ZNF503: variants seen among roughly 807,000 people sequenced by gnomAD.
ZNF503 encodes NocA-like zinc finger 2.
Under a neutral mutation model 34.4 loss-of-function variants are expected in ZNF503, and 15 were observed. The ratio of observed to expected loss-of-function variants is 0.44; its 90% confidence interval spans 0.29 to 0.67. The LOEUF is 0.67. Ranked by LOEUF, ZNF503 falls within the 30% of genes least tolerant of loss-of-function variation. The probability of loss-of-function intolerance (pLI) is 0.13; values close to 1 mark genes in which losing one functional copy is unlikely to be tolerated. For synonymous variants in ZNF503, 580 were observed against 456.8 expected, an observed-to-expected ratio of 1.27 and a Z score of -3.44; for missense variants, 1,007 against 926.8, an observed-to-expected ratio of 1.09 and a Z score of -1.12.
At chr10:75,309,302 C>G in the ZNF503 span, among the ~76,000 whole-genome samples, 1 of 152,238 alleles carries the variant, frequency 6.6e-6, no homozygotes, top group South Asian at 2.1e-4. Context: ...AGAATTGACT[C>G]TAACTCTGTA....
chr10:75,293,669 ATGTGTGTG>A, the ZNF503 span, among the ~76,000 whole-genome samples: 7 of 150,756 alleles, frequency 4.6e-5, no homozygotes, highest in African/African-American at 1.7e-4. Context: ...GTGTGTGCGC[ATGTGTGTG>A]TGTGTAGGTT....
At chr10:75,327,128 ATTG>A in the ZNF503 span, among the ~76,000 whole-genome samples, 1 of 152,200 alleles carries the variant, frequency 6.6e-6, no homozygotes, top group Admixed American at 6.5e-5. Context: ...TAGACAACAA[ATTG>A]TTGTTAATTA....
the ZNF503 span, among the ~76,000 whole-genome samples, chr10:75,339,428 T>C: frequency 1.1e-4 from 16 of 152,236 alleles, no homozygotes; most frequent in South Asian, 3.1e-3. Flanking sequence ...GAGGGGAGCT[T>C]CGGAAAGAAG....
At chr10:75,280,034 A>G in the ZNF503 span, 1 of 152,238 alleles carries the variant, frequency 6.6e-6, no homozygotes, top group Non-Finnish European at 1.5e-5. Flanking sequence ...ATTGCAGAAA[A>G]GAAAGGTATA....
At chr10:75,305,597 C>T in the ZNF503 span, among the ~76,000 whole-genome samples, 12 of 152,080 alleles carry the variant, frequency 7.9e-5, no homozygotes, top group African/African-American at 2.7e-4. Context: ...TGTTATACAG[C>T]CATTACCTCC....
At chr10:75,390,979 G>C in the ZNF503 span, among the ~76,000 whole-genome samples, 1 of 152,148 alleles carries the variant, frequency 6.6e-6, no homozygotes, top group South Asian at 2.1e-4. Context: ...TTGGGGGTGG[G>C]AGGTTGGTGG....
downstream of ZNF503, among the ~76,000 whole-genome samples, chr10:75,395,972 T>TAGC (rs1843692000): frequency 6.6e-6 from 1 of 152,116 alleles, no homozygotes; most frequent in African/African-American, 2.4e-5. This position sits in a 1 kb window ranked among gnomAD's most constrained non-coding sequence, Gnocchi z 4.4. Flanking sequence ...CAGGGACCCC[T>TAGC]GTCCGAAGAC....
At chr10:75,297,483 C>T in the ZNF503 span, among the ~76,000 whole-genome samples, 1 of 152,298 alleles carries the variant, frequency 6.6e-6, no homozygotes, top group East Asian at 1.9e-4. Flanking sequence ...TTGTGGATTT[C>T]ATTCATTTCA....
chr10:75,368,485 T>C, the ZNF503 span, among the ~76,000 whole-genome samples: 2 of 152,212 alleles, frequency 1.3e-5, no homozygotes, highest in Non-Finnish European at 2.9e-5. Flanking sequence ...TCTTATGTAA[T>C]TACTAAACTT....
chr10:75,348,764 A>G, the ZNF503 span, among the ~76,000 whole-genome samples: 1 of 150,876 alleles, frequency 6.6e-6, no homozygotes, highest in Non-Finnish European at 1.5e-5. Flanking sequence ...CGCCCGCCTC[A>G]GCCTCCCAAA....
chr10:75,384,024 G>C, the ZNF503 span, among the ~76,000 whole-genome samples: 1 of 152,220 alleles, frequency 6.6e-6, no homozygotes, highest in African/African-American at 2.4e-5. Flanking sequence ...GGCTCCAGGA[G>C]GAGGTGCTCT....
the ZNF503 span, among the ~76,000 whole-genome samples, chr10:75,313,382 A>G: frequency 2.0e-5 from 3 of 152,230 alleles, no homozygotes; most frequent in African/African-American, 7.2e-5. Context: ...AAGGTAGCAC[A>G]GCTCAGTCCC....
the ZNF503 span, among the ~76,000 whole-genome samples, chr10:75,313,252 G>A: frequency 5.9e-5 from 9 of 152,300 alleles, no homozygotes; most frequent in African/African-American, 2.2e-4. Flanking sequence ...GAATACCTTT[G>A]TGGGAGTTCA....
At chr10:75,361,979 C>G in the ZNF503 span, among the ~76,000 whole-genome samples, 3 of 152,210 alleles carry the variant, frequency 2.0e-5, no homozygotes, top group African/African-American at 4.8e-5. Context: ...TTTGGGGAGG[C>G]AGCAGCCAGA....
At chr10:75,304,089 C>T in the ZNF503 span, among the ~76,000 whole-genome samples, 1 of 152,172 alleles carries the variant, frequency 6.6e-6, no homozygotes, top group Admixed American at 6.5e-5. Flanking sequence ...CTGCCTTGGC[C>T]TCCCGAAGTG....
chr10:75,309,372 T>C, the ZNF503 span, among the ~76,000 whole-genome samples: 1 of 152,206 alleles, frequency 6.6e-6, no homozygotes, highest in Non-Finnish European at 1.5e-5. Context: ...ATAAATCTTT[T>C]GTGAATGGAA....
In ZNF503 at chr10:75,399,052, G is replaced by A. The variant is rs1369234057; in HGVS notation, c.1638C>T (p.Pro546=). ...LSHLRTHTAF[P]GTDKLLSGYP... ...AGCCCGACAGCAGTTTGTCTGTCCCGGGAAATGCCGTATGGGTCCGCAAGT... is the reference window on the plus strand; with the variant it reads ...AGCCCGACAGCAGTTTGTCTGTCCCAGGAAATGCCGTATGGGTCCGCAAGT... The change falls in exon 2 of 2, where the codon CCC becomes CCT. Residue 546 remains proline, a synonymous_variant. Coordinates refer to ENST00000372524, the MANE Select transcript of ZNF503 (RefSeq NM_032772.6). 2.0e-5 allele frequency: 33 copies of A among 1,612,948 alleles called. No individual in the cohort carries two copies. The highest frequency in any genetic ancestry group is 2.8e-5 in the Non-Finnish European group (33 of 1,179,820).
the ZNF503 span, among the ~76,000 whole-genome samples, chr10:75,284,576 G>T: frequency 1.3e-5 from 2 of 152,132 alleles, no homozygotes. Context: ...GGTAGTGGTG[G>T]GTCAGGGCTT....
At chr10:75,386,716 C>A in the ZNF503 span, among the ~76,000 whole-genome samples, 1 of 152,198 alleles carries the variant, frequency 6.6e-6, no homozygotes, top group African/African-American at 2.4e-5. Context: ...TATTGAAGAA[C>A]AAGACATGAT....
Sources: gnomAD v4.1 joint callset for allele counts (sites outside exome capture counted in the v4.1 genomes callset) on GRCh38, gnomAD v4.1.1 for gene constraint, Gnocchi (gnomAD v3.1) non-coding constraint, MANE v1.5 for transcripts, NCBI Gene and HGNC (gene_info 2026-07-23, HGNC 2026-07-21) for gene names.